The following DCDC2 variants were observed in gnomAD, a reference collection of about 807,000 sequenced individuals.
The protein encoded by DCDC2 is doublecortin domain containing 2.
A neutral mutation model predicts 50.2 loss-of-function variants in DCDC2; 40 were observed. The ratio of observed to expected loss-of-function variants is 0.80; its 90% CI spans 0.62 to 1.04. The LOEUF (loss-of-function observed/expected upper bound fraction) is 1.04, where lower values mean the gene tolerates loss of function less well. Ranked by LOEUF, DCDC2 falls within the 50% of genes least tolerant of loss-of-function variation. DCDC2 has a pLI of 0.00. For synonymous variants in DCDC2, 234 were observed against 210.6 expected, an observed-to-expected ratio of 1.11 and a Z score of -0.96; for missense variants, 570 against 581.9, an observed-to-expected ratio of 0.98 and a Z score of 0.21.
At chr6:24,178,299 T>A in intron 9 of DCDC2, 31 bp downstream of exon 9, 3 of 1,597,158 alleles carry the variant, frequency 1.9e-6, no homozygotes, top group Non-Finnish European at 2.6e-6. Context: ...ATTCATGCAT[T>A]CACATAAGCA....
chr6:24,324,226 A>G (rs7751141), intron 2 of DCDC2, among the ~76,000 whole-genome samples: 145,896 of 152,224 alleles, frequency 0.96, 70,190 homozygotes, highest in East Asian at 1. Flanking sequence ...TCCTCAAAAA[A>G]TGTAAGAAGC....
At chr6:24,279,881 G>T (rs1422148239) in intron 6 of DCDC2, among the ~76,000 whole-genome samples, 1 of 152,204 alleles carries the variant, frequency 6.6e-6, no homozygotes, top group Non-Finnish European at 1.5e-5. Context: ...AAGGCTTATG[G>T]AGTGACTAGT....
chr6:24,188,167 C>T (rs1761244000), intron 8 of DCDC2, among the ~76,000 whole-genome samples: 1 of 152,212 alleles, frequency 6.6e-6, no homozygotes, highest in African/African-American at 2.4e-5. Flanking sequence ...AGAGCCTCTG[C>T]ATCTCTCTCA....
chr6:24,350,019 T>C (rs567133561), intron 2 of DCDC2, among the ~76,000 whole-genome samples: 4 of 152,256 alleles, frequency 2.6e-5, no homozygotes, highest in African/African-American at 7.2e-5. Context: ...CTGTGCAAAG[T>C]GTTCACCAAA....
intron 7 of DCDC2, among the ~76,000 whole-genome samples, chr6:24,224,016 A>G (rs1762171935): frequency 6.6e-6 from 1 of 152,104 alleles, no homozygotes; most frequent in East Asian, 1.9e-4. Context: ...GACAATCTGG[A>G]TCAACTGCAG....
rs532415144 is a variant in DCDC2 at position 24,242,637 on chromosome 6, G to A, written c.922+35412C>T. ...CAGACTGTCACAGAGCACAGGTATAGGCAGGTAGTCAATAAATGCTGAATG... is the reference window on the plus strand; with the variant it reads ...CAGACTGTCACAGAGCACAGGTATAAGCAGGTAGTCAATAAATGCTGAATG... On this transcript the variant is annotated intron_variant, in intron 7 of 9. Transcript: ENST00000378454. Among the ~76,000 whole-genome samples the A allele has an allele frequency of 6.2e-4, 95 of 152,294 alleles. No homozygotes were observed. In the Middle Eastern group the frequency reaches 0.014, roughly 22 times the overall value.
intron 7 of DCDC2, among the ~76,000 whole-genome samples, chr6:24,265,300 G>T (rs1431982656): frequency 1.3e-5 from 2 of 152,086 alleles, no homozygotes; most frequent in Non-Finnish European, 2.9e-5. Flanking sequence ...GAGAGCAATA[G>T]ACCCCAATAC....
At chr6:24,314,331 G>A (rs988830810) in intron 2 of DCDC2, among the ~76,000 whole-genome samples, 1 of 152,002 alleles carries the variant, frequency 6.6e-6, no homozygotes, top group Non-Finnish European at 1.5e-5. Context: ...AAATTAGCTA[G>A]GTGCAGTGGC....
the DCDC2 span, among the ~76,000 whole-genome samples, chr6:24,381,403 A>G: frequency 1.2e-4 from 19 of 152,180 alleles, no homozygotes; most frequent in Non-Finnish European, 2.5e-4. Flanking sequence ...TCTCCCTCAT[A>G]TGTAGAATCT....
chr6:24,354,391 A>C (rs1216271631), intron 1 of DCDC2, among the ~76,000 whole-genome samples: 4 of 152,204 alleles, frequency 2.6e-5, no homozygotes, highest in African/African-American at 9.6e-5. Context: ...ATTTATAATG[A>C]TAGATCAATC....
In DCDC2 at chr6:24,357,520, T is replaced by C. The variant is rs369578703; in HGVS notation, c.231A>G (p.Leu77=). The change falls in exon 1 of 10, where the codon CTA becomes CTG. Residue 77 remains leucine, a synonymous_variant. Coordinates refer to ENST00000378454, the MANE Select transcript of DCDC2 (RefSeq NM_016356.5). The part of the protein sequence containing the change: ...TPRTGHRIRK[L]DQIQSGGNYV... ...AATTGCCCCCGCTCTGGATCTGGTC[T>C]AGCTTCCGGATTCGGTGGCCAGTCC... The C allele has an allele frequency of 5.6e-6, 9 of 1,613,440 alleles. No individual in the cohort carries two copies. The Admixed American group carries it at 1.2e-4, about 21-fold the overall frequency.
chr6:24,314,453 G>A (rs1759626584), intron 2 of DCDC2, among the ~76,000 whole-genome samples: 1 of 151,672 alleles, frequency 6.6e-6, no homozygotes, highest in Non-Finnish European at 1.5e-5. Context: ...TTCCAGTCTG[G>A]GCAACAGAGC....
At chr6:24,217,352 A>C (rs1054230143) in intron 7 of DCDC2, among the ~76,000 whole-genome samples, 1 of 152,244 alleles carries the variant, frequency 6.6e-6, no homozygotes, top group Admixed American at 6.5e-5. Context: ...CCCAATTATT[A>C]CCGAGTAACA....
At chr6:24,201,811 A>G (rs1761594844) in intron 8 of DCDC2, among the ~76,000 whole-genome samples, 1 of 152,218 alleles carries the variant, frequency 6.6e-6, no homozygotes, top group Admixed American at 6.5e-5. Context: ...AGGGGAGATC[A>G]CCACTGATCC....
chr6:24,200,720 C>T lies in DCDC2; in HGVS notation c.1023+4282G>A, dbSNP rs375610033. Among the ~76,000 whole-genome samples the T allele has an allele frequency of 3.3e-5, 5 of 152,060 alleles. No individual in the cohort carries two copies. The East Asian group carries it at 7.8e-4, about 24-fold the overall frequency. Reference sequence around the variant, plus strand: ...ACAGACTGCCAATTGGATAAAGAGTCAAGACCCATCGGTGTGCTGTATTCA... The same window carrying T: ...ACAGACTGCCAATTGGATAAAGAGTTAAGACCCATCGGTGTGCTGTATTCA... On this transcript the variant is annotated intron_variant, in intron 8 of 9. Transcript: ENST00000378454.
upstream of DCDC2, among the ~76,000 whole-genome samples, chr6:24,358,889 TTATATATATA>T (rs1339371704): frequency 2.8e-4 from 5 of 18,026 alleles, no homozygotes; most frequent in Admixed American, 2.0e-3. Context: ...TTATATATAT[TTATATATATA>T]ATATATTATA....
At chr6:24,252,651 G>A (rs1441706565) in intron 7 of DCDC2, among the ~76,000 whole-genome samples, 1 of 152,190 alleles carries the variant, frequency 6.6e-6, no homozygotes, top group African/African-American at 2.4e-5. Context: ...AGGGGAGGAT[G>A]AGCCTAGAGC....
intron 7 of DCDC2, among the ~76,000 whole-genome samples, chr6:24,229,834 G>A (rs1762302877): frequency 6.6e-6 from 1 of 152,098 alleles, no homozygotes; most frequent in Non-Finnish European, 1.5e-5. Flanking sequence ...TCCACACTTA[G>A]ATCTGACTGA....
intron 2 of DCDC2, among the ~76,000 whole-genome samples, chr6:24,308,150 C>G (rs1053692194): frequency 6.6e-6 from 1 of 152,152 alleles, no homozygotes; most frequent in African/African-American, 2.4e-5. Flanking sequence ...AAGCCAAGAG[C>G]AGGGCAAAAG....
Sources: gnomAD v4.1 joint callset for allele counts (sites outside exome capture counted in the v4.1 genomes callset) on GRCh38, gnomAD v4.1.1 for gene constraint, MANE v1.5 for transcripts, NCBI Gene and HGNC (gene_info 2026-07-23, HGNC 2026-07-21) for gene names.